The following SHLD2 variants were observed in gnomAD, a reference collection of about 807,000 sequenced individuals.
SHLD2 encodes the protein shieldin complex subunit 2.
A neutral mutation model predicts 73.2 loss-of-function variants in SHLD2; 30 were observed. The ratio of observed to expected loss-of-function variants is 0.41; its 90% CI spans 0.31 to 0.56. The LOEUF (loss-of-function observed/expected upper bound fraction) is 0.56. SHLD2 is among the 20% of genes least tolerant of loss of function. SHLD2 has a pLI of 0.28. For synonymous variants in SHLD2, 285 were observed against 370.1 expected (o/e 0.77, Z 2.64); for missense variants, 745 against 1,055.9 (o/e 0.71, Z 4.08).
intron 2 of SHLD2, among the ~76,000 whole-genome samples, chr10:87,145,259 G>A (rs1845524416): frequency 6.6e-6 from 1 of 152,130 alleles, no homozygotes; most frequent in Non-Finnish European, 1.5e-5. Flanking sequence ...TGGGTTATTA[G>A]TACTGTGTTG....
chr10:87,183,094 G>T (rs1818464299), intron 8 of SHLD2, among the ~76,000 whole-genome samples: 1 of 152,212 alleles, frequency 6.6e-6, no homozygotes, highest in African/African-American at 2.4e-5. Context: ...GAGGGGAGAT[G>T]ATGGTGGCTT....
upstream of SHLD2, chr10:87,094,782 A>G (rs773140219): frequency 2.6e-6 from 4 of 1,529,464 alleles, no homozygotes; most frequent in East Asian, 8.1e-5. This position sits in a 1 kb window ranked among gnomAD's most constrained non-coding sequence, Gnocchi z 6.6. Context: ...CCACAAGCGG[A>G]GGGGAGGTGC....
chr10:87,167,288 A>G (rs1040145385), intron 4 of SHLD2, among the ~76,000 whole-genome samples: 1 of 152,212 alleles, frequency 6.6e-6, no homozygotes, highest in African/African-American at 2.4e-5. Flanking sequence ...AATCTTTAGA[A>G]GTTACTTCAC....
chr10:87,186,000 C>T (rs1230136114), intron 8 of SHLD2, among the ~76,000 whole-genome samples: 8 of 152,138 alleles, frequency 5.3e-5, no homozygotes, highest in Non-Finnish European at 7.3e-5. Context: ...TGAGCCACCG[C>T]GCATGCCCAA....
chr10:87,127,525 A>ACC (rs1434245122), intron 2 of SHLD2, among the ~76,000 whole-genome samples: 6 of 29,014 alleles, frequency 2.1e-4, no homozygotes, highest in East Asian at 2.2e-3. Context: ...TGTCCCTCTT[A>ACC]CCCGCCCCCC....
chr10:87,135,539 C>T (rs1327517170), intron 2 of SHLD2, among the ~76,000 whole-genome samples: 2 of 152,058 alleles, frequency 1.3e-5, no homozygotes, highest in African/African-American at 4.8e-5. Flanking sequence ...GTCACCCAGG[C>T]TGGAGTGCAG....
intron 2 of SHLD2, among the ~76,000 whole-genome samples, chr10:87,103,231 A>G (rs1201054680): frequency 6.6e-6 from 1 of 152,062 alleles, no homozygotes; most frequent in African/African-American, 2.4e-5. Flanking sequence ...TTTTTTAATA[A>G]ATAAATAAAT....
At chr10:87,183,537 A>G (rs1449281341) in intron 8 of SHLD2, among the ~76,000 whole-genome samples, 4 of 152,196 alleles carry the variant, frequency 2.6e-5, no homozygotes, top group Non-Finnish European at 5.9e-5. Context: ...AAAATCATCC[A>G]TTAACATTAC....
chr10:87,108,823 A>G (rs547321265), intron 2 of SHLD2, among the ~76,000 whole-genome samples: 3 of 151,548 alleles, frequency 2.0e-5, no homozygotes, highest in Non-Finnish European at 2.9e-5. Flanking sequence ...TTTTTTCCCT[A>G]TGGTAGATGG....
intron 2 of SHLD2, among the ~76,000 whole-genome samples, chr10:87,101,995 C>T (rs540887927): frequency 6.6e-6 from 1 of 152,310 alleles, no homozygotes; most frequent in East Asian, 1.9e-4. Context: ...AAGATGCTGT[C>T]ATTTGCAAAT....
intron 2 of SHLD2, among the ~76,000 whole-genome samples, chr10:87,144,910 G>T (rs61858902): frequency 0.11 from 15,338 of 141,522 alleles, 933 homozygotes; most frequent in Admixed American, 0.15. Flanking sequence ...GATTACAGGC[G>T]TGAGCCACTG....
rs549293304 is a variant in SHLD2, at chr10:87,158,189, T to G, written c.1633+34T>G. 127 of 1,593,124 alleles carry G rather than the reference T, an allele frequency of 8.0e-5. 2 individuals are homozygous for G. In the South Asian group the frequency reaches 1.4e-3, roughly 18 times the overall value. ...CATTTTAAATGAAGTAATGTAGTAG[T>G]GTTTAAAGTATAAAAACATACTAGG... is the stretch of plus-strand genomic sequence containing the variant. On this transcript the variant is annotated intron_variant, in intron 4 of 9. Coordinates refer to ENST00000298786, the MANE Select transcript of SHLD2 (RefSeq NM_001330112.2).
chr10:87,107,979 T>G (rs2133980684), intron 2 of SHLD2, among the ~76,000 whole-genome samples: 1 of 152,052 alleles, frequency 6.6e-6, no homozygotes, highest in African/African-American at 2.4e-5. Flanking sequence ...TGCTTCCTGG[T>G]TTCAAGCAGT....
chr10:87,173,343 C>T (rs905873470), intron 6 of SHLD2, among the ~76,000 whole-genome samples: 9 of 152,126 alleles, frequency 5.9e-5, no homozygotes, highest in African/African-American at 1.9e-4. Flanking sequence ...GCATAATGAA[C>T]TTAGGTACCT....
intron 2 of SHLD2, among the ~76,000 whole-genome samples, chr10:87,147,400 A>G (rs964512012): frequency 1.3e-5 from 2 of 151,880 alleles, no homozygotes; most frequent in Non-Finnish European, 2.9e-5. Flanking sequence ...AATTTAGGAA[A>G]GAGTAATGTT....
chr10:87,107,556 C>T lies in SHLD2; in HGVS notation c.-6+10567C>T, dbSNP rs566284570. 2.0e-4 allele frequency among the ~76,000 whole-genome samples: 30 copies of T among 152,228 alleles called. No individual in the cohort carries two copies. The South Asian group carries it at 6.0e-3, about 30-fold the overall frequency. On this transcript the variant is annotated intron_variant, in intron 2 of 9. Coordinates refer to ENST00000298786, the MANE Select transcript of SHLD2 (RefSeq NM_001330112.2). Reference sequence around the variant, plus strand: ...AAATTAAAGGCTGAGTTGAAGCAACCTATTAAAGAGCTGTGGGAAAGGCAT... The same window carrying T: ...AAATTAAAGGCTGAGTTGAAGCAACTTATTAAAGAGCTGTGGGAAAGGCAT...
intron 3 of SHLD2, among the ~76,000 whole-genome samples, chr10:87,153,199 G>C (rs555206035): frequency 1.3e-3 from 194 of 152,254 alleles, no homozygotes; most frequent in African/African-American, 4.6e-3. Flanking sequence ...GAGGCAGGAA[G>C]ATTGCTTGAG....
chr10:87,129,227 A>G (rs1171294993), intron 2 of SHLD2, among the ~76,000 whole-genome samples: 10 of 152,106 alleles, frequency 6.6e-5, no homozygotes, highest in Non-Finnish European at 2.9e-5. Context: ...AGTAGCTGAG[A>G]TTACAGGTGT....
In SHLD2 at chr10:87,190,867, T is replaced by G; in HGVS notation, c.*184T>G. ...AAAATCCTGTGAGGTTTAAAAAGATTGTTTTTGTCTTTTGGTTTCTTACTT... is the reference window on the plus strand; with the variant it reads ...AAAATCCTGTGAGGTTTAAAAAGATGGTTTTTGTCTTTTGGTTTCTTACTT... On this transcript the variant is annotated 3_prime_UTR_variant, in exon 10 of 10. Coordinates refer to ENST00000298786, the MANE Select transcript of SHLD2 (RefSeq NM_001330112.2). 1.7e-6 allele frequency: 1 copy of G among 600,072 alleles called. No homozygotes were observed. Among genetic ancestry groups the G allele is most frequent in the South Asian group, 2.1e-5 (1 of 47,720 alleles). 37.2% of individuals were successfully genotyped at this position (600,072 alleles called of 1,614,324 possible).
Sources: gnomAD v4.1 joint callset for allele counts (sites outside exome capture counted in the v4.1 genomes callset) on GRCh38, gnomAD v4.1.1 for gene constraint, Gnocchi (gnomAD v3.1) non-coding constraint, MANE v1.5 for transcripts, NCBI Gene and HGNC (gene_info 2026-07-23, HGNC 2026-07-21) for gene names.